MYO5B: variants seen among roughly 807,000 people sequenced by gnomAD.
MYO5B encodes myosin VB.
Under a neutral mutation model 229.3 loss-of-function variants are expected in MYO5B, and 143 were observed. The ratio of observed to expected loss-of-function variants is 0.62; its 90% CI spans 0.54 to 0.72. The LOEUF is 0.72. Ranked by LOEUF, MYO5B falls within the 30% of genes least tolerant of loss-of-function variation. The pLI is 0.00. For missense variants in MYO5B, 2,321 were observed against 2,331.0 expected (o/e 1.00, Z 0.09); for synonymous variants, 918 against 885.2 (o/e 1.04, Z -0.66).
At chr18:50,146,452 T>G (rs986079902) in intron 1 of MYO5B, among the ~76,000 whole-genome samples, 1 of 152,160 alleles carries the variant, frequency 6.6e-6, no homozygotes, top group Non-Finnish European at 1.5e-5. Flanking sequence ...TTCAGTGCAG[T>G]CAGGAGACTG....
intron 4 of MYO5B, among the ~76,000 whole-genome samples, chr18:50,007,435 T>A (rs1215147414): frequency 6.6e-6 from 1 of 152,150 alleles, no homozygotes; most frequent in African/African-American, 2.4e-5. Flanking sequence ...ACTCTCCTCC[T>A]CCTCTAACAT....
At chr18:50,013,035 T>G (rs1249409974) in intron 4 of MYO5B, among the ~76,000 whole-genome samples, 5 of 152,240 alleles carry the variant, frequency 3.3e-5, no homozygotes, top group Non-Finnish European at 5.9e-5. Flanking sequence ...TAAAGTACTC[T>G]TTTATTCATA....
At chr18:50,154,848 T>G (rs781172880) in intron 1 of MYO5B, among the ~76,000 whole-genome samples, 54 of 152,184 alleles carry the variant, frequency 3.5e-4, no homozygotes, top group Non-Finnish European at 6.2e-4. Context: ...GTAGATACTC[T>G]CCTGTGCAAG....
chr18:49,979,548 GGTTA>G (rs896156303), intron 9 of MYO5B, among the ~76,000 whole-genome samples: 1 of 152,340 alleles, frequency 6.6e-6, no homozygotes, highest in African/African-American at 2.4e-5. Flanking sequence ...AACAGAAGGA[GGTTA>G]ATTTACGTCC....
chr18:50,179,010 C>T (rs750021570), intron 1 of MYO5B, among the ~76,000 whole-genome samples: 1 of 152,090 alleles, frequency 6.6e-6, no homozygotes, highest in Non-Finnish European at 1.5e-5. Context: ...GGACCTAGAA[C>T]ACTTTTAGAA....
At chr18:50,141,512 GAA>G (rs1243403983) in intron 1 of MYO5B, among the ~76,000 whole-genome samples, 1 of 152,106 alleles carries the variant, frequency 6.6e-6, no homozygotes, top group Non-Finnish European at 1.5e-5. Context: ...AGCTCCCCTT[GAA>G]TTCTTCCCTG....
In MYO5B at chr18:49,922,906, G is replaced by A. The variant is rs1008545351; in HGVS notation, c.2090+6606C>T. Among the ~76,000 whole-genome samples, 15 of 152,174 alleles carry A rather than the reference G, an allele frequency of 9.9e-5. 1 individual carries two copies. The highest frequency in any genetic ancestry group is 9.2e-4 in the Admixed American group (14 of 15,286). ...CAGGGGTTGTGGGCATCTTGACTCT[G>A]CTGGCAGCTCGGATTCGCAGCAAGG... On this transcript the variant is annotated intron_variant, in intron 17 of 39. Transcript: ENST00000285039.
intron 17 of MYO5B, among the ~76,000 whole-genome samples, chr18:49,927,704 G>T (rs912120869): frequency 6.6e-6 from 1 of 152,222 alleles, no homozygotes; most frequent in Non-Finnish European, 1.5e-5. Context: ...GTAGAAGAAT[G>T]AAACTGGATC....
chr18:50,132,061 A>G (rs1317032484), intron 1 of MYO5B, among the ~76,000 whole-genome samples: 1 of 152,230 alleles, frequency 6.6e-6, no homozygotes, highest in Non-Finnish European at 1.5e-5. Flanking sequence ...CAGTGGGCTT[A>G]GCAAAATATA....
intron 14 of MYO5B, among the ~76,000 whole-genome samples, chr18:49,949,982 G>C (rs1294577013): frequency 1.3e-5 from 2 of 152,204 alleles, no homozygotes; most frequent in Non-Finnish European, 2.9e-5. Context: ...AAATGGTGTA[G>C]AGCATACTTA....
chr18:50,069,581 C>T (rs1356066871), intron 1 of MYO5B, among the ~76,000 whole-genome samples: 1 of 152,134 alleles, frequency 6.6e-6, no homozygotes, highest in Non-Finnish European at 1.5e-5. Flanking sequence ...CACTCCTCAG[C>T]CTGGTACCAC....
chr18:50,148,482 C>T (rs892112957), intron 1 of MYO5B, among the ~76,000 whole-genome samples: 17 of 152,004 alleles, frequency 1.1e-4, no homozygotes, highest in African/African-American at 2.7e-4. Flanking sequence ...AAAGCTTATC[C>T]GCCATGATCA....
chr18:49,981,456 A>G (rs2025813690), intron 8 of MYO5B, among the ~76,000 whole-genome samples: 2 of 152,252 alleles, frequency 1.3e-5, no homozygotes, highest in Non-Finnish European at 2.9e-5. Flanking sequence ...AAATTTCCCC[A>G]GATAATCTAC....
intron 5 of MYO5B, among the ~76,000 whole-genome samples, chr18:49,998,651 G>A (rs1364826936): frequency 1.3e-5 from 2 of 152,182 alleles, no homozygotes; most frequent in Non-Finnish European, 1.5e-5. Context: ...ACAAAATGTG[G>A]TATGACCATG....
At chr18:49,892,404 C>A (rs1256873797) in intron 22 of MYO5B, among the ~76,000 whole-genome samples, 1 of 152,204 alleles carries the variant, frequency 6.6e-6, no homozygotes, top group Non-Finnish European at 1.5e-5. Context: ...CGTGGCCCAC[C>A]AATTAATATC....
At position 50,167,164 on chromosome 18, in the gene MYO5B, C is replaced by T. The variant is rs372251493; in HGVS notation, c.27+27603G>A. The stretch of plus-strand genomic sequence containing the variant: ...TCTGAACAAAGACAAAAGAATCTTA[C>T]ATCTTTCCTTAGGAAAATCCTTGCT... On this transcript the variant is annotated intron_variant, in intron 1 of 39. Coordinates refer to ENST00000285039, the MANE Select transcript of MYO5B (RefSeq NM_001080467.3). Among the ~76,000 whole-genome samples, 5 of 152,348 alleles carry T rather than the reference C, an allele frequency of 3.3e-5. No individual in the cohort carries two copies. The East Asian group carries it at 5.8e-4, about 18-fold the overall frequency.
At chr18:50,161,175 G>C (rs542484204) in intron 1 of MYO5B, among the ~76,000 whole-genome samples, 93 of 152,308 alleles carry the variant, frequency 6.1e-4, no homozygotes, top group Admixed American at 1.4e-3. Flanking sequence ...CCTGAGGTCA[G>C]GAGTTTGAGA....
At chr18:50,093,492 T>G (rs996515512) in intron 1 of MYO5B, among the ~76,000 whole-genome samples, 1 of 152,112 alleles carries the variant, frequency 6.6e-6, no homozygotes, top group Non-Finnish European at 1.5e-5. Context: ...CATCATGCAG[T>G]TGTTGGAGGC....
At chr18:50,028,447 G>T (rs2026354428) in intron 4 of MYO5B, among the ~76,000 whole-genome samples, 1 of 152,168 alleles carries the variant, frequency 6.6e-6, no homozygotes, top group South Asian at 2.1e-4. Context: ...TGGCCAGATA[G>T]GAGAGTGTCT....
Sources: gnomAD v4.1 joint callset for allele counts (sites outside exome capture counted in the v4.1 genomes callset) on GRCh38, gnomAD v4.1.1 for gene constraint, MANE v1.5 for transcripts, NCBI Gene and HGNC (gene_info 2026-07-23, HGNC 2026-07-21) for gene names.